The following FARS2 variants were observed in gnomAD, a reference collection of about 807,000 sequenced individuals.
The protein encoded by FARS2 is phenylalanine--tRNA ligase, mitochondrial.
In FARS2, 40 loss-of-function variants were observed where a neutral mutation model predicts 46.4. The ratio of observed to expected loss-of-function variants is 0.86; its 90% CI spans 0.67 to 1.12. The LOEUF is 1.12. Among genes scored for constraint, FARS2 ranks in the 50% most tolerant of loss-of-function variants. The pLI, the probability that FARS2 is intolerant of heterozygous loss-of-function variation, is 0.00. For missense variants in FARS2, 513 were observed against 567.9 expected (o/e 0.90, Z 0.98); for synonymous variants, 234 against 214.9 (o/e 1.09, Z -0.78).
At chr6:5,522,589 A>G (rs1234170565) in intron 4 of FARS2, among the ~76,000 whole-genome samples, 1 of 152,190 alleles carries the variant, frequency 6.6e-6, no homozygotes, top group African/African-American at 2.4e-5. Context: ...TTGCCAACCA[A>G]TATCTTATTT....
chr6:5,770,080 A>C (rs1762955987), intron 6 of FARS2, among the ~76,000 whole-genome samples: 1 of 152,144 alleles, frequency 6.6e-6, no homozygotes, highest in Non-Finnish European at 1.5e-5. Flanking sequence ...AGAGGAGAGA[A>C]TCCAGTGAGA....
At position 5,703,905 on chromosome 6, in the gene FARS2, G is replaced by A. The variant is rs547375417; in HGVS notation, c.1218-67386G>A. On this transcript the variant is annotated intron_variant, in intron 6 of 6. Transcript: ENST00000274680. ...GGATCCTCCAACCTCTTGCCTTCCCGGCTTGTGCCTCCTAAACTGTCCCGA... is the reference window on the plus strand; with the variant it reads ...GGATCCTCCAACCTCTTGCCTTCCCAGCTTGTGCCTCCTAAACTGTCCCGA... 1.0e-3 allele frequency among the ~76,000 whole-genome samples: 158 copies of A among 152,156 alleles called. 1 individual carries two copies. The South Asian group carries it at 0.015, about 15-fold the overall frequency.
At chr6:5,474,157 C>T (rs775916683) in intron 4 of FARS2, among the ~76,000 whole-genome samples, 2 of 152,238 alleles carry the variant, frequency 1.3e-5, no homozygotes, top group African/African-American at 2.4e-5. Flanking sequence ...TTTCCGTTAT[C>T]TCCAATGGCA....
chr6:5,510,332 G>A (rs1768363332), intron 4 of FARS2, among the ~76,000 whole-genome samples: 1 of 152,130 alleles, frequency 6.6e-6, no homozygotes, highest in African/African-American at 2.4e-5. Flanking sequence ...ATGCTGCCTG[G>A]TCCCTTCGCC....
intron 5 of FARS2, among the ~76,000 whole-genome samples, chr6:5,577,864 C>T (rs539349524): frequency 3.0e-4 from 45 of 152,030 alleles, no homozygotes; most frequent in Non-Finnish European, 1.2e-4. Flanking sequence ...TACAGTGGTG[C>T]GATCTCAGCA....
rs76558088 is a variant in FARS2, at chr6:5,467,471, A to G, written c.904+36299A>G. Among the ~76,000 whole-genome samples the G allele has an allele frequency of 1.0e-3, 156 of 152,230 alleles. 8 individuals carry two copies. In the East Asian group the frequency reaches 0.026, roughly 25 times the overall value. On this transcript the variant is annotated intron_variant, in intron 4 of 6. Transcript: ENST00000274680. ...GAGGTTTTAGATGCTGAAATAAGAT[A>G]CAATAGGTCTGAAATGTTAATAAAA...
intron 2 of FARS2, among the ~76,000 whole-genome samples, chr6:5,372,741 A>G (rs1042189900): frequency 5.3e-5 from 8 of 152,258 alleles, no homozygotes; most frequent in Middle Eastern, 3.4e-3. Context: ...TTATGGAGAA[A>G]CTTGGTATTC....
intron 4 of FARS2, among the ~76,000 whole-genome samples, chr6:5,525,590 A>T (rs189302391): frequency 2.2e-4 from 34 of 152,366 alleles, no homozygotes; most frequent in East Asian, 1.9e-3. Context: ...AGTCTTATAA[A>T]GAAAACTGTG....
At chr6:5,420,069 C>T (rs1376254190) in intron 3 of FARS2, among the ~76,000 whole-genome samples, 3 of 152,214 alleles carry the variant, frequency 2.0e-5, no homozygotes, top group Admixed American at 2.0e-4. Flanking sequence ...AAAGACACGT[C>T]TCACAAGGCA....
In FARS2 at chr6:5,266,235, G is replaced by A. The variant is rs549450790; in HGVS notation, c.-22+4575G>A. 9.2e-5 allele frequency among the ~76,000 whole-genome samples: 14 copies of A among 152,332 alleles called. No individual in the cohort carries two copies. In the South Asian group the frequency reaches 2.9e-3, roughly 32 times the overall value. ...TTGGCCAGAGCTGTAGAGTGCATGA[G>A]GGTGAGAACGGGGAGATCCCGTGAA... On this transcript the variant is annotated intron_variant, in intron 1 of 6. Transcript: ENST00000274680.
chr6:5,766,915 A>C (rs925263802), intron 6 of FARS2, among the ~76,000 whole-genome samples: 2 of 151,038 alleles, frequency 1.3e-5, no homozygotes, highest in Non-Finnish European at 2.9e-5. Context: ...TATGTGTTCT[A>C]TTGCATCTGG....
intron 2 of FARS2, among the ~76,000 whole-genome samples, chr6:5,392,942 A>G (rs947816411): frequency 3.3e-4 from 47 of 143,760 alleles, no homozygotes; most frequent in South Asian, 1.9e-3. Flanking sequence ...GTGTGTGTGT[A>G]TATATATATA....
chr6:5,318,407 A>AC (rs1353296388), intron 1 of FARS2, among the ~76,000 whole-genome samples: 12 of 147,758 alleles, frequency 8.1e-5, no homozygotes, highest in Non-Finnish European at 1.8e-4. Context: ...AAAAAAAAAA[A>AC]CCCTACAAGA....
At chr6:5,686,145 G>A (rs1359446518) in intron 6 of FARS2, among the ~76,000 whole-genome samples, 1 of 152,142 alleles carries the variant, frequency 6.6e-6, no homozygotes, top group Non-Finnish European at 1.5e-5. Flanking sequence ...ATAGATGTCT[G>A]CAGAAGTCAT....
chr6:5,704,747 G>A lies in FARS2; in HGVS notation c.1218-66544G>A, dbSNP rs553506780. Among the ~76,000 whole-genome samples the A allele has an allele frequency of 5.3e-5, 8 of 152,292 alleles. 1 individual carries two copies. The East Asian group carries it at 9.6e-4, about 18-fold the overall frequency. On this transcript the variant is annotated intron_variant, in intron 6 of 6. Transcript: ENST00000274680. ...CTACAAGAGTCATGATTTTATAAAAGCAGCCCCAAAAGGAAAATACAAATA... is the reference window on the plus strand; with the variant it reads ...CTACAAGAGTCATGATTTTATAAAAACAGCCCCAAAAGGAAAATACAAATA...
chr6:5,667,368 A>G (rs1475298583), intron 6 of FARS2, among the ~76,000 whole-genome samples: 2 of 152,024 alleles, frequency 1.3e-5, no homozygotes, highest in African/African-American at 2.4e-5. Flanking sequence ...AAATACGAAA[A>G]TTAGCCTGGT....
intron 5 of FARS2, among the ~76,000 whole-genome samples, chr6:5,600,679 G>C (rs184129193): frequency 6.6e-6 from 1 of 152,156 alleles, no homozygotes; most frequent in Non-Finnish European, 1.5e-5. Context: ...ATAAGAACAC[G>C]ATCGCATGGG....
intron 1 of FARS2, among the ~76,000 whole-genome samples, chr6:5,276,094 A>G (rs1182858827): frequency 6.6e-6 from 1 of 152,172 alleles, no homozygotes; most frequent in Non-Finnish European, 1.5e-5. Context: ...AGTAGGCTCA[A>G]TGGGGGAGTT....
intron 1 of FARS2, among the ~76,000 whole-genome samples, chr6:5,315,926 A>C (rs1769487087): frequency 6.6e-6 from 1 of 152,218 alleles, no homozygotes; most frequent in African/African-American, 2.4e-5. Flanking sequence ...ACAGGGCATC[A>C]ACAAATGAGT....
Sources: gnomAD v4.1 joint callset for allele counts (sites outside exome capture counted in the v4.1 genomes callset) on GRCh38, gnomAD v4.1.1 for gene constraint, MANE v1.5 for transcripts, NCBI Gene and HGNC (gene_info 2026-07-23, HGNC 2026-07-21) for gene names.